Variants in PAQR3 observed in about 807,000 individuals in gnomAD.
PAQR3 encodes Raf kinase trapping to Golgi.
Under a neutral mutation model 41.7 loss-of-function variants are expected in PAQR3, and 39 were observed. The ratio of observed to expected loss-of-function variants is 0.93; its 90% CI spans 0.72 to 1.22. The LOEUF is 1.22. Ranked by LOEUF, PAQR3 falls within the 50% of genes most tolerant of loss-of-function variation. The pLI is 0.00. For synonymous variants in PAQR3, 140 were observed against 140.6 expected (o/e 1.00, Z 0.03); for missense variants, 366 against 385.6 (o/e 0.95, Z 0.42).
At chr4:78,922,244 G>A in intron 5 of PAQR3, 7 of 1,221,976 alleles carry the variant, frequency 5.7e-6, no homozygotes, top group Non-Finnish European at 7.3e-6. Flanking sequence ...TACAACGCAG[G>A]TTTTCCCTTG....
At chr4:78,909,196 C>A (rs540972263), downstream of PAQR3, among the ~76,000 whole-genome samples, 2 of 151,616 alleles carry the variant, frequency 1.3e-5, no homozygotes, top group Non-Finnish European at 2.9e-5. Flanking sequence ...TGCCAACATG[C>A]CTGGCTAATT....
intron 11 of PAQR3, among the ~76,000 whole-genome samples, chr4:78,905,648 G>T (rs12647482): frequency 0.069 from 10,489 of 151,844 alleles, 503 homozygotes; most frequent in East Asian, 0.22. Context: ...AGGATTTAGG[G>T]TATATTGAAT....
Position 78,919,136 on chromosome 4 carries a change from A to G in PAQR3, c.*1403T>C. 1.0e-6 allele frequency: 1 copy of G among 985,164 alleles called. No individual in the cohort carries two copies. Among genetic ancestry groups the G allele is most frequent in the Non-Finnish European group, 1.2e-6 (1 of 829,762 alleles). 61.0% of individuals were successfully genotyped at this position (985,164 alleles called of 1,614,324 possible). On this transcript the variant is annotated 3_prime_UTR_variant, in exon 6 of 6. Coordinates refer to ENST00000512733, the MANE Select transcript of PAQR3 (RefSeq NM_001040202.2). ...ACTGATGTATTAACTGAGGCACATTAGTGACTTTCCAAGTATCATATGCAC... is the reference window on the plus strand; with the variant it reads ...ACTGATGTATTAACTGAGGCACATTGGTGACTTTCCAAGTATCATATGCAC...
At chr4:78,909,393 C>G (rs1015258340), downstream of PAQR3, among the ~76,000 whole-genome samples, 8 of 151,748 alleles carry the variant, frequency 5.3e-5, no homozygotes, top group African/African-American at 1.7e-4. Flanking sequence ...AATCATGACA[C>G]CTATTTTAAT....
At chr4:78,896,133 T>A (rs1469575314) in intron 11 of PAQR3, among the ~76,000 whole-genome samples, 1 of 152,164 alleles carries the variant, frequency 6.6e-6, no homozygotes, top group Non-Finnish European at 1.5e-5. Context: ...ATCTATAACC[T>A]AACTTTTTTG....
chr4:78,910,855 G>A (rs1250260171), downstream of PAQR3: 3 of 1,613,994 alleles, frequency 1.9e-6, no homozygotes, highest in Admixed American at 1.7e-5. Flanking sequence ...GGGGGAACAA[G>A]GAGATTTTAA....
intron 11 of PAQR3, among the ~76,000 whole-genome samples, chr4:78,896,724 T>C (rs1733723146): frequency 6.6e-6 from 1 of 152,260 alleles, no homozygotes; most frequent in Non-Finnish European, 1.5e-5. Flanking sequence ...ATTTCTAATA[T>C]TTAAACTGTT....
At chr4:78,936,451 G>GT (rs748134946) in intron 1 of PAQR3, among the ~76,000 whole-genome samples, 1 of 152,082 alleles carries the variant, frequency 6.6e-6, no homozygotes, top group Non-Finnish European at 1.5e-5. Flanking sequence ...TTCATTTCTT[G>GT]TAACAATGAA....
intron 11 of PAQR3, among the ~76,000 whole-genome samples, chr4:78,904,145 A>G (rs750615039): frequency 6.6e-6 from 1 of 151,980 alleles, no homozygotes; most frequent in Admixed American, 6.6e-5. Flanking sequence ...AGTGTTAACA[A>G]TGCATGTCTT....
intron 11 of PAQR3, among the ~76,000 whole-genome samples, chr4:78,893,438 C>A (rs187553333): frequency 6.6e-6 from 1 of 152,136 alleles, no homozygotes; most frequent in Non-Finnish European, 1.5e-5. Context: ...CCTGTTCTTA[C>A]GAATCACGAA....
At chr4:78,928,240 G>C (rs1280245759) in intron 3 of PAQR3, among the ~76,000 whole-genome samples, 1 of 152,188 alleles carries the variant, frequency 6.6e-6, no homozygotes, top group Non-Finnish European at 1.5e-5. Context: ...CAAGCACCTG[G>C]TTATTAGTAT....
At chr4:78,927,315 G>A (rs1390307616) in intron 3 of PAQR3, among the ~76,000 whole-genome samples, 3 of 152,212 alleles carry the variant, frequency 2.0e-5, no homozygotes, top group Non-Finnish European at 2.9e-5. Context: ...TACCACACTG[G>A]CACTGGAGGA....
intron 11 of PAQR3, among the ~76,000 whole-genome samples, chr4:78,901,036 T>C (rs1173928928): frequency 1.3e-5 from 2 of 152,096 alleles, no homozygotes; most frequent in Non-Finnish European, 2.9e-5. Context: ...ATATTGAGTA[T>C]TGGCAAACTT....
At chr4:78,938,942 T>C (rs1737729821) in intron 1 of PAQR3, 98 bp downstream of exon 1, 2 of 1,204,374 alleles carry the variant, frequency 1.7e-6, no homozygotes, top group Non-Finnish European at 2.3e-6. Flanking sequence ...GAGGAAATGA[T>C]GGGCAAGCAG....
downstream of PAQR3, chr4:78,911,874 T>TG: frequency 6.2e-7 from 1 of 1,613,992 alleles, no homozygotes; most frequent in Non-Finnish European, 8.5e-7. Flanking sequence ...ATTCACTACA[T>TG]GGGTCATTCC....
chr4:78,894,105 G>A (rs62307964), intron 11 of PAQR3, among the ~76,000 whole-genome samples: 10,463 of 152,196 alleles, frequency 0.069, 497 homozygotes, highest in East Asian at 0.22. Context: ...TGTCATCCAG[G>A]CTTTGTTATT....
intron 5 of PAQR3, among the ~76,000 whole-genome samples, 188 bp from the exon 6 acceptor site, chr4:78,920,869 A>G (rs1735594910): frequency 6.6e-6 from 1 of 151,938 alleles, no homozygotes; most frequent in South Asian, 2.1e-4. Flanking sequence ...TTAAGGTTTT[A>G]TTTATTAAGT....
Position 78,917,944 on chromosome 4 carries a change from T to C in PAQR3, c.*2595A>G. ...ATGACAAGCAGCAGTTAAAAATATTTAGTAAACCCAGTTTATTTACATAAT... is the reference window on the plus strand; with the variant it reads ...ATGACAAGCAGCAGTTAAAAATATTCAGTAAACCCAGTTTATTTACATAAT... On this transcript the variant is annotated 3_prime_UTR_variant, in exon 6 of 6. Transcript: ENST00000512733. 2 of 984,370 alleles carry C rather than the reference T, an allele frequency of 2.0e-6. No homozygotes were observed. Among genetic ancestry groups the C allele is most frequent in the Non-Finnish European group, 2.4e-6 (2 of 828,640 alleles). 61.0% of individuals were successfully genotyped at this position (984,370 alleles called of 1,614,324 possible).
downstream of PAQR3, among the ~76,000 whole-genome samples, chr4:78,909,863 C>T (rs1734489231): frequency 2.0e-5 from 3 of 152,102 alleles, no homozygotes; most frequent in Non-Finnish European, 2.9e-5. Flanking sequence ...AGCAAAGTGC[C>T]CTATATTTCT....
Sources: allele counts gnomAD v4.1 joint callset (sites outside exome capture counted in the v4.1 genomes callset), GRCh38; gene constraint gnomAD v4.1.1; transcripts MANE v1.5; gene names NCBI Gene and HGNC (gene_info 2026-07-23, HGNC 2026-07-21).